Variants in GSE1 observed in about 807,000 individuals in gnomAD.
GSE1 encodes Gse1 coiled-coil protein.
A neutral mutation model predicts 112.6 loss-of-function variants in GSE1; 32 were observed. The ratio of observed to expected loss-of-function variants is 0.28; its 90% CI spans 0.21 to 0.38. The LOEUF (loss-of-function observed/expected upper bound fraction) is 0.38, where lower values mean the gene tolerates loss of function less well. Ranked by LOEUF, GSE1 falls within the 10% of genes least tolerant of loss-of-function variation. GSE1 has a pLI of 1.00. For synonymous variants in GSE1, 1,115 were observed against 735.6 expected, an observed-to-expected ratio of 1.52 and a Z score of -8.35; for missense variants, 2,348 against 1,699.2, an observed-to-expected ratio of 1.38 and a Z score of -6.71.
At chr16:85,328,676 G>A (rs1386503601) in intron 1 of GSE1, among the ~76,000 whole-genome samples, 1 of 152,214 alleles carries the variant, frequency 6.6e-6, no homozygotes, top group African/African-American at 2.4e-5. Flanking sequence ...GTCTGCAGTG[G>A]GGCAGGGAAT....
At chr16:85,446,625 G>A (rs531492750) in intron 2 of GSE1, among the ~76,000 whole-genome samples, 6 of 152,310 alleles carry the variant, frequency 3.9e-5, no homozygotes, top group African/African-American at 1.2e-4. Flanking sequence ...CCTATGGGGT[G>A]TGGGTGGCTC....
chr16:85,457,674 G>A (rs527883983), intron 2 of GSE1, among the ~76,000 whole-genome samples: 5 of 152,310 alleles, frequency 3.3e-5, no homozygotes, highest in African/African-American at 1.2e-4. Flanking sequence ...GCCCCAGGAA[G>A]GAGACTTGGG....
At chr16:85,369,683 T>G (rs4783174) in intron 2 of GSE1, among the ~76,000 whole-genome samples, 17,497 of 152,262 alleles carry the variant, frequency 0.11, 1,817 homozygotes, top group East Asian at 0.48. Context: ...GAAGGTGACA[T>G]TTTCATAGAC....
chr16:85,478,320 A>G (rs891934738), intron 2 of GSE1, among the ~76,000 whole-genome samples: 1 of 152,042 alleles, frequency 6.6e-6, no homozygotes, highest in Non-Finnish European at 1.5e-5. Flanking sequence ...TGAGACCAGG[A>G]GTTCAAGACC....
intron 13 of GSE1, chr16:85,666,593 G>A: frequency 1.8e-6 from 1 of 548,072 alleles, no homozygotes; most frequent in Non-Finnish European, 3.3e-6. Flanking sequence ...GCTGTGAGCA[G>A]GGACGCATCG....
intron 1 of GSE1, among the ~76,000 whole-genome samples, chr16:85,246,673 C>T (rs1333306389): frequency 6.6e-6 from 1 of 152,024 alleles, no homozygotes; most frequent in African/African-American, 2.4e-5. Context: ...ACCAGGCCCA[C>T]CCCACTCCCA....
chr16:85,259,992 G>A (rs916102075), intron 1 of GSE1, among the ~76,000 whole-genome samples: 9 of 152,238 alleles, frequency 5.9e-5, no homozygotes, highest in South Asian at 2.1e-4. Context: ...GAGGCCTACC[G>A]CAAGGCTCAG....
intron 2 of GSE1, among the ~76,000 whole-genome samples, chr16:85,639,031 G>A (rs561997560): frequency 3.9e-5 from 6 of 152,192 alleles, no homozygotes; most frequent in Admixed American, 2.6e-4. Context: ...GAGGCTGCAG[G>A]TTTGGGCGTG....
At chr16:85,263,624 G>A (rs1907935222) in intron 1 of GSE1, among the ~76,000 whole-genome samples, 1 of 151,542 alleles carries the variant, frequency 6.6e-6, no homozygotes, top group Non-Finnish European at 1.5e-5. Flanking sequence ...CCAGGCTGGA[G>A]TGCAATGGAG....
At chr16:85,296,825 G>A (rs901043813) in intron 1 of GSE1, among the ~76,000 whole-genome samples, 4 of 151,608 alleles carry the variant, frequency 2.6e-5, no homozygotes, top group Non-Finnish European at 5.9e-5. Context: ...GCATGTAACA[G>A]TCGGGGAGAC....
intron 1 of GSE1, among the ~76,000 whole-genome samples, chr16:85,331,533 A>ATGTGTATG (rs1567693082): frequency 9.1e-6 from 1 of 109,900 alleles, no homozygotes; most frequent in Non-Finnish European, 1.8e-5. Context: ...ATATGTGTAT[A>ATGTGTATG]TGTGTATATG....
intron 2 of GSE1, among the ~76,000 whole-genome samples, chr16:85,472,193 G>T (rs967151520): frequency 9.2e-5 from 14 of 152,150 alleles, no homozygotes; most frequent in Non-Finnish European, 2.1e-4. Context: ...ATGTTTCCTG[G>T]GGCTGCCATG....
intron 1 of GSE1, among the ~76,000 whole-genome samples, chr16:85,185,871 G>T (rs1275872892): frequency 6.6e-6 from 1 of 152,250 alleles, no homozygotes; most frequent in African/African-American, 2.4e-5. Flanking sequence ...GGGCTGGGAG[G>T]GCCGTTGTCT....
intron 2 of GSE1, among the ~76,000 whole-genome samples, chr16:85,643,629 C>G (rs1273607893): frequency 6.6e-6 from 1 of 152,228 alleles, no homozygotes; most frequent in African/African-American, 2.4e-5. Context: ...AGCATGGGGT[C>G]TGGAGCCAGG....
At chr16:85,292,990 A>T (rs1003376142) in intron 1 of GSE1, among the ~76,000 whole-genome samples, 1 of 152,154 alleles carries the variant, frequency 6.6e-6, no homozygotes, top group Non-Finnish European at 1.5e-5. Context: ...ACATGTTTTA[A>T]GTGTCCGTTT....
intron 8 of GSE1, among the ~76,000 whole-genome samples, chr16:85,657,835 A>G (rs543803541): frequency 2.0e-5 from 3 of 152,322 alleles, no homozygotes; most frequent in East Asian, 3.9e-4. Flanking sequence ...TAAAGAGACC[A>G]ATCAAGTCCA....
intron 1 of GSE1, among the ~76,000 whole-genome samples, chr16:85,277,356 G>T (rs1436891860): frequency 6.6e-6 from 1 of 152,208 alleles, no homozygotes; most frequent in African/African-American, 2.4e-5. Flanking sequence ...CTGAAGGAGA[G>T]AATGGGGTTC....
chr16:85,616,702 T>G (rs574475457), intron 1 of GSE1, among the ~76,000 whole-genome samples: 2 of 152,058 alleles, frequency 1.3e-5, no homozygotes, highest in African/African-American at 4.8e-5. Context: ...CCTCCCCCAG[T>G]GGAGTCTCAG....
intron 2 of GSE1, among the ~76,000 whole-genome samples, chr16:85,645,360 G>T (rs575177131): frequency 6.6e-6 from 1 of 152,284 alleles, no homozygotes; most frequent in African/African-American, 2.4e-5. Context: ...GCTCTGGGGC[G>T]TGGCCGATCT....
Sources: gnomAD v4.1 joint callset for allele counts (sites outside exome capture counted in the v4.1 genomes callset) on GRCh38, gnomAD v4.1.1 for gene constraint, MANE v1.5 for transcripts, NCBI Gene and HGNC (gene_info 2026-07-23, HGNC 2026-07-21) for gene names.